Variants in DLG2 observed in about 807,000 individuals in gnomAD.
The protein encoded by DLG2 is discs large MAGUK scaffold protein 2.
A neutral mutation model predicts 132.5 loss-of-function variants in DLG2; 45 were observed. The ratio of observed to expected loss-of-function variants is 0.34; its 90% CI spans 0.27 to 0.44. DLG2 has a LOEUF of 0.44. DLG2 is among the 20% of genes least tolerant of loss of function. The pLI, the probability that DLG2 is intolerant of heterozygous loss-of-function variation, is 1.00. For synonymous variants in DLG2, 424 were observed against 419.6 expected (o/e 1.01, Z -0.13); for missense variants, 1,045 against 1,196.9 (o/e 0.87, Z 1.87).
intron 6 of DLG2, among the ~76,000 whole-genome samples, chr11:84,791,717 T>G (rs2073871372): frequency 1.3e-5 from 2 of 152,232 alleles, no homozygotes; most frequent in Admixed American, 6.5e-5. Flanking sequence ...GGATTACTTT[T>G]AAATATCTTT....
chr11:84,743,381 T>C (rs2064941211), intron 6 of DLG2, among the ~76,000 whole-genome samples: 1 of 152,122 alleles, frequency 6.6e-6, no homozygotes, highest in African/African-American at 2.4e-5. Flanking sequence ...CAACCATCTT[T>C]AGTAAGAATT....
chr11:84,551,254 C>T (rs867862014), intron 6 of DLG2, among the ~76,000 whole-genome samples: 6 of 152,148 alleles, frequency 3.9e-5, no homozygotes, highest in South Asian at 2.1e-4. Flanking sequence ...TAAATATTCT[C>T]CAAATACAAT....
At position 83,790,950 on chromosome 11, in the gene DLG2, G is replaced by A. The variant is rs949701056; in HGVS notation, c.1723-4158C>T. ...CTGAGGCAGAAGTCCAATAACGACA[G>A]GCACATGTTCATCCAGGCGAAGATA... is the stretch of plus-strand genomic sequence containing the variant. On this transcript the variant is annotated intron_variant, in intron 17 of 27. Coordinates refer to ENST00000376104, the MANE Select transcript of DLG2 (RefSeq NM_001142699.3). The A allele has an allele frequency of 1.1e-5, 11 of 956,952 alleles. No individual in the cohort carries two copies. In the African/African-American group the frequency reaches 1.8e-4, roughly 16 times the overall value. 59.3% of individuals were successfully genotyped at this position (956,952 alleles called of 1,614,324 possible).
At chr11:84,280,845 C>T (rs1197724286) in intron 7 of DLG2, among the ~76,000 whole-genome samples, 3 of 148,516 alleles carry the variant, frequency 2.0e-5, no homozygotes, top group Admixed American at 6.8e-5. Flanking sequence ...GAACTAGAGG[C>T]GCCTGCCACC....
chr11:85,316,872 T>C (rs568667471), intron 3 of DLG2, among the ~76,000 whole-genome samples: 14 of 152,024 alleles, frequency 9.2e-5, no homozygotes, highest in Non-Finnish European at 1.9e-4. Context: ...GTCCCCACCA[T>C]CCTAGAATCT....
At chr11:84,214,536 A>G (rs1391912302) in intron 8 of DLG2, among the ~76,000 whole-genome samples, 2 of 152,012 alleles carry the variant, frequency 1.3e-5, no homozygotes, top group Non-Finnish European at 2.9e-5. Flanking sequence ...CAATGCTTCT[A>G]TATCTCAGAA....
At chr11:85,115,621 G>T (rs1355482636) in intron 5 of DLG2, among the ~76,000 whole-genome samples, 1 of 151,940 alleles carries the variant, frequency 6.6e-6, no homozygotes, top group Non-Finnish European at 1.5e-5. Context: ...GCAAAAGGTG[G>T]AAGTATTTAA....
intron 3 of DLG2, among the ~76,000 whole-genome samples, chr11:85,374,740 A>G (rs1312434144): frequency 6.6e-6 from 1 of 152,222 alleles, no homozygotes; most frequent in African/African-American, 2.4e-5. Context: ...CCCTAACTAC[A>G]AAGAATCTTC....
chr11:84,413,635 C>T (rs1175715162), intron 7 of DLG2, among the ~76,000 whole-genome samples: 2 of 152,158 alleles, frequency 1.3e-5, no homozygotes, highest in East Asian at 3.9e-4. Flanking sequence ...GTTTTGAGGG[C>T]CTTTCATACT....
At chr11:84,236,944 T>G (rs1398712231) in intron 8 of DLG2, among the ~76,000 whole-genome samples, 1 of 151,516 alleles carries the variant, frequency 6.6e-6, no homozygotes, top group Non-Finnish European at 1.5e-5. Context: ...TGTTTTTTTT[T>G]TTGAGATGGA....
rs115720059 is a variant in DLG2 at position 85,491,786 on chromosome 11, T to C, written c.40+106871A>G. On this transcript the variant is annotated intron_variant, in intron 3 of 27. Transcript: ENST00000376104. ...TAGAGAGATATCCTATGTTCATGAA[T>C]TGGAAGTATTAGTATTATTAAAATA... Among the ~76,000 whole-genome samples the C allele has an allele frequency of 2.2e-3, 340 of 152,216 alleles. 1 individual carries two copies. The highest frequency in any genetic ancestry group is 7.9e-3 in the African/African-American group (327 of 41,566).
chr11:84,739,805 C>G (rs970186133), intron 6 of DLG2, among the ~76,000 whole-genome samples: 3 of 152,088 alleles, frequency 2.0e-5, no homozygotes, highest in Non-Finnish European at 4.4e-5. Context: ...GTATGCAAAA[C>G]TATCTCACCT....
At chr11:84,179,098 T>C (rs1368273830) in intron 8 of DLG2, among the ~76,000 whole-genome samples, 2 of 152,050 alleles carry the variant, frequency 1.3e-5, no homozygotes, top group Non-Finnish European at 2.9e-5. Context: ...AAAAGAGCCA[T>C]TTAAAAAAAT....
At chr11:85,429,715 C>T (rs1369991088) in intron 3 of DLG2, among the ~76,000 whole-genome samples, 2 of 152,180 alleles carry the variant, frequency 1.3e-5, no homozygotes, top group African/African-American at 2.4e-5. Context: ...ACAATAGGTG[C>T]TGGAGAGGAT....
intron 6 of DLG2, among the ~76,000 whole-genome samples, chr11:84,911,635 A>C (rs1226787942): frequency 6.6e-6 from 1 of 152,294 alleles, no homozygotes; most frequent in East Asian, 1.9e-4. Flanking sequence ...TCCAAACACC[A>C]ATCTGTTAAA....
chr11:84,966,101 T>C (rs1163447724), intron 6 of DLG2, among the ~76,000 whole-genome samples: 1 of 152,002 alleles, frequency 6.6e-6, no homozygotes, highest in Non-Finnish European at 1.5e-5. Context: ...GTATGTTGTA[T>C]ACTATCTAGT....
intron 18 of DLG2, among the ~76,000 whole-genome samples, chr11:83,735,238 A>C (rs926969481): frequency 6.6e-6 from 1 of 152,156 alleles, no homozygotes; most frequent in Non-Finnish European, 1.5e-5. Flanking sequence ...CGTATTTTAA[A>C]ATGTAACCAG....
chr11:84,121,541 A>ATTTTTTTTTTTTTTTTT (rs869183421), intron 9 of DLG2, among the ~76,000 whole-genome samples: 5 of 66,670 alleles, frequency 7.5e-5, no homozygotes, highest in Admixed American at 2.4e-4. Context: ...TTCCTTGCTA[A>ATTTTTTTTTTTTTTTTT]TTTTTTTTTT....
intron 6 of DLG2, among the ~76,000 whole-genome samples, chr11:84,706,095 T>C (rs1245344709): frequency 3.3e-5 from 5 of 151,764 alleles, no homozygotes; most frequent in African/African-American, 7.2e-5. Context: ...ATGACACAAA[T>C]TGAGTCCTGA....
Sources: allele counts gnomAD v4.1 joint callset (sites outside exome capture counted in the v4.1 genomes callset), GRCh38; gene constraint gnomAD v4.1.1; transcripts MANE v1.5; gene names NCBI Gene and HGNC (gene_info 2026-07-23, HGNC 2026-07-21).